PLCE1: variants seen among roughly 807,000 people sequenced by gnomAD.
The protein encoded by PLCE1 is 1-phosphatidylinositol 4,5-bisphosphate phosphodiesterase epsilon-1.
In PLCE1, 119 loss-of-function variants were observed where a neutral mutation model predicts 242.8. That is an observed-to-expected ratio of 0.49 (90% CI 0.42 to 0.57). The LOEUF (loss-of-function observed/expected upper bound fraction) is 0.57, where lower values mean the gene tolerates loss of function less well. Among genes scored for constraint, PLCE1 ranks in the 20% least tolerant of loss-of-function variants. The pLI is 0.00. For missense variants in PLCE1, 2,441 were observed against 2,788.8 expected, an observed-to-expected ratio of 0.88 and a Z score of 2.81; for synonymous variants, 945 against 1,017.4, an observed-to-expected ratio of 0.93 and a Z score of 1.35.
intron 3 of PLCE1, among the ~76,000 whole-genome samples, chr10:94,150,654 G>T (rs2047246622): frequency 6.6e-6 from 1 of 152,186 alleles, no homozygotes; most frequent in Non-Finnish European, 1.5e-5. Flanking sequence ...AGTCCTTCTA[G>T]CTGGGAGTTC....
chr10:94,221,996 T>TGGAAGCTGA (rs2049764367), intron 4 of PLCE1, among the ~76,000 whole-genome samples: 1 of 152,114 alleles, frequency 6.6e-6, no homozygotes, highest in South Asian at 2.1e-4. Context: ...CCTGAGCGTT[T>TGGAAGCTGA]GGAAGCTGAG....
intron 10 of PLCE1, 126 bp downstream of exon 10, chr10:94,254,433 C>T: frequency 1.3e-6 from 1 of 745,838 alleles, no homozygotes; most frequent in Non-Finnish European, 2.4e-6. Flanking sequence ...TTGTCCTAAC[C>T]AGACAATGAA....
intron 3 of PLCE1, among the ~76,000 whole-genome samples, chr10:94,146,163 A>G (rs1344831931): frequency 6.6e-6 from 1 of 152,154 alleles, no homozygotes; most frequent in Admixed American, 6.5e-5. Flanking sequence ...CACCCTCTAT[A>G]GGAAGGAGAG....
rs1357874023 is a variant in PLCE1 at position 94,032,090 on chromosome 10, G to A, written c.1044G>A (p.Val348=). The change falls in exon 2 of 33, where the codon GTG becomes GTA. Residue 348 remains valine (V), a synonymous_variant. Transcript: ENST00000371380. The part of the protein sequence containing the change: ...KSVYTGTRAI[V]RTLPSGHIGL... ...TGTATACTGGAACAAGAGCAATTGT[G>A]AGAACTCTGCCTTCTGGCCACATTG... 6.2e-7 allele frequency: 1 copy of A among 1,611,690 alleles called. No individual in the cohort carries two copies. The highest frequency in any genetic ancestry group is 8.5e-7 in the Non-Finnish European group (1 of 1,179,092).
intron 2 of PLCE1, among the ~76,000 whole-genome samples, chr10:94,067,175 T>C (rs1235329194): frequency 6.6e-6 from 1 of 152,202 alleles, no homozygotes; most frequent in Non-Finnish European, 1.5e-5. Flanking sequence ...CTTCTTGATC[T>C]CTGCTGGATC....
At chr10:94,032,539 C>A (rs1195096496) in intron 2 of PLCE1, among the ~76,000 whole-genome samples, 2 of 151,998 alleles carry the variant, frequency 1.3e-5, no homozygotes, top group Non-Finnish European at 2.9e-5. Context: ...TGTTGCTTAT[C>A]TGTTTGTGTT....
At position 94,031,935 on chromosome 10, in the gene PLCE1, T is replaced by G. The variant is rs771301576; in HGVS notation, c.889T>G (p.Leu297Val). ...FTDSQAAKTF[L>V]SHFEDFPDNC... is the part of the protein sequence containing the mutation. ...TGACAGTCAAGCTGCCAAGACCTTT[T>G]TGAGCCATTTTGAGGACTTCCCTGA... Residue 297 changes from leucine (L) to valine (V), a missense_variant, in exon 2 of 33, where the codon TTG (leucine) becomes GTG (valine). Leu to Val is a conservative substitution (Grantham distance 32). Coordinates refer to ENST00000371380, the MANE Select transcript of PLCE1 (RefSeq NM_016341.4). 6.2e-7 allele frequency: 1 copy of G among 1,613,916 alleles called. No individual in the cohort carries two copies. The highest frequency in any genetic ancestry group is 1.1e-5 in the South Asian group (1 of 91,080).
intron 14 of PLCE1, among the ~76,000 whole-genome samples, chr10:94,263,439 G>A (rs542959600): frequency 7.7e-4 from 116 of 151,476 alleles, no homozygotes; most frequent in African/African-American, 2.6e-3. Context: ...ACTGGAACAC[G>A]GGAGGCAGAG....
chr10:94,104,197 A>C (rs537361121), intron 2 of PLCE1: 2 of 152,352 alleles, frequency 1.3e-5, no homozygotes, highest in South Asian at 4.1e-4. Context: ...TACAGCAGGC[A>C]CTGCTCAAAA....
Position 94,114,760 on chromosome 10 carries a change from CTT to C in PLCE1, c.1207-17403_1207-17402del, listed in dbSNP as rs35602455. 6.2e-3 allele frequency among the ~76,000 whole-genome samples: 916 copies of C among 147,798 alleles called. 10 individuals carry two copies. The highest frequency in any genetic ancestry group is 0.018 in the African/African-American group (733 of 39,816). ...TTTTTGTTGTTGTTCTTGCACAGTT[CTT>C]TTTTTTTTTTAATACTTTAAGTTCT... On this transcript the variant is annotated intron_variant, in intron 2 of 32. Transcript: ENST00000371380.
intron 2 of PLCE1, among the ~76,000 whole-genome samples, chr10:94,090,736 C>T (rs2045034462): frequency 6.6e-6 from 1 of 152,142 alleles, no homozygotes; most frequent in Non-Finnish European, 1.5e-5. Context: ...TTCGGTGAGC[C>T]CTTTCAGCCT....
chr10:94,145,447 T>C (rs905032764), intron 3 of PLCE1, among the ~76,000 whole-genome samples: 5 of 152,200 alleles, frequency 3.3e-5, no homozygotes, highest in Non-Finnish European at 5.9e-5. Flanking sequence ...TAGCAGTGTT[T>C]TACTTATACT....
intron 2 of PLCE1, among the ~76,000 whole-genome samples, chr10:94,131,536 G>T (rs1338397049): frequency 6.6e-6 from 1 of 152,240 alleles, no homozygotes; most frequent in African/African-American, 2.4e-5. Flanking sequence ...AAAAGGAGAA[G>T]AAATCAGGAT....
intron 2 of PLCE1, among the ~76,000 whole-genome samples, chr10:94,048,078 C>A (rs2043646697): frequency 6.6e-6 from 1 of 152,040 alleles, no homozygotes; most frequent in Non-Finnish European, 1.5e-5. Flanking sequence ...TCCTAAGATT[C>A]ATTTATACTT....
At chr10:94,062,632 G>A (rs1272981640) in intron 2 of PLCE1, among the ~76,000 whole-genome samples, 1 of 141,112 alleles carries the variant, frequency 7.1e-6, no homozygotes, top group Non-Finnish European at 1.5e-5. Context: ...CAGAGAGAAT[G>A]CAATTAGCCC....
intron 18 of PLCE1, 95 bp downstream of exon 18, chr10:94,270,697 T>C: frequency 1.2e-6 from 1 of 831,334 alleles, no homozygotes; most frequent in Non-Finnish European, 2.1e-6. Flanking sequence ...TGAGACAGAG[T>C]CTCGCTCTCT....
chr10:94,324,655 A>T (rs1429649034), intron 31 of PLCE1, 88 bp downstream of exon 31: 1 of 1,176,954 alleles, frequency 8.5e-7, no homozygotes, highest in Non-Finnish European at 1.3e-6. Flanking sequence ...GGTGAAATTT[A>T]GGAGAAAGTT....
intron 1 of PLCE1, among the ~76,000 whole-genome samples, chr10:94,003,985 A>T (rs376001631): frequency 9.7e-4 from 148 of 152,228 alleles, no homozygotes; most frequent in African/African-American, 3.4e-3. Context: ...CGTCTCTACT[A>T]AAAATACAAA....
chr10:94,111,462 G>T (rs2045952926), intron 2 of PLCE1, among the ~76,000 whole-genome samples: 1 of 152,208 alleles, frequency 6.6e-6, no homozygotes, highest in African/African-American at 2.4e-5. Context: ...GAGAACTAAA[G>T]CTCCTTAAAT....
Sources: gnomAD v4.1 joint callset for allele counts (sites outside exome capture counted in the v4.1 genomes callset) on GRCh38, gnomAD v4.1.1 for gene constraint, MANE v1.5 for transcripts, NCBI Gene and HGNC (gene_info 2026-07-23, HGNC 2026-07-21) for gene names.